Variants in CFAP52 observed in about 807,000 individuals in gnomAD.
The protein encoded by CFAP52 is cilia- and flagella-associated protein 52.
Under a neutral mutation model 70.5 loss-of-function variants are expected in CFAP52, and 57 were observed. The observed-to-expected ratio is 0.81, with a 90% CI of 0.65 to 1.01. The LOEUF is 1.01. Ranked by LOEUF, CFAP52 falls within the 50% of genes least tolerant of loss-of-function variation. CFAP52 has a pLI of 0.00. For synonymous variants in CFAP52, 267 were observed against 292.5 expected, an observed-to-expected ratio of 0.91 and a Z score of 0.89; for missense variants, 785 against 788.5, an observed-to-expected ratio of 1.00 and a Z score of 0.05.
At chr17:9,601,924 C>A (rs937483592) in intron 6 of CFAP52, among the ~76,000 whole-genome samples, 1 of 152,130 alleles carries the variant, frequency 6.6e-6, no homozygotes, top group African/African-American at 2.4e-5. Flanking sequence ...TCTCAAGAAA[C>A]TTTGAAATAC....
At chr17:9,614,609 C>A (rs1477587330) in intron 8 of CFAP52, among the ~76,000 whole-genome samples, 1 of 151,996 alleles carries the variant, frequency 6.6e-6, no homozygotes, top group Non-Finnish European at 1.5e-5. Flanking sequence ...GTTTATTAAA[C>A]AAATTCATTT....
chr17:9,616,270 C>G (rs1440661116), intron 8 of CFAP52, among the ~76,000 whole-genome samples: 1 of 144,044 alleles, frequency 6.9e-6, no homozygotes, highest in Non-Finnish European at 1.5e-5. Flanking sequence ...CACTCCCACC[C>G]GAATATTGCG....
intron 9 of CFAP52, among the ~76,000 whole-genome samples, chr17:9,630,902 C>T (rs371070702): frequency 6.0e-4 from 89 of 149,566 alleles, no homozygotes; most frequent in African/African-American, 2.0e-3. Flanking sequence ...AGGAGAGTTT[C>T]TTGAACCCGG....
intron 1 of CFAP52, chr17:9,584,348 G>T (rs1159317374): frequency 6.2e-6 from 8 of 1,289,906 alleles, no homozygotes; most frequent in East Asian, 5.6e-5. Context: ...ACCATGAAAG[G>T]TCCCAGGCTC....
chr17:9,600,169 GA>G lies in CFAP52; in HGVS notation c.740del (p.Asp247AlafsTer13). 1 of 1,613,860 alleles carries G rather than the reference GA, an allele frequency of 6.2e-7. No homozygotes were observed. Among genetic ancestry groups the G allele is most frequent in the African/African-American group, 1.3e-5 (1 of 74,998 alleles). On this transcript the variant is annotated frameshift_variant, in exon 6 of 14. Transcript: ENST00000352665. LOFTEE classifies it high-confidence loss of function. ...KLLTDVGPAK[D>X]KFSLGVSAIR... ...GCTGACAGATGTTGGGCCTGCGAAG[GA>G]CAAATTCAGTTTGGTGAGTAGAGAC...
At position 9,631,068 on chromosome 17, in the gene CFAP52, AAGAAAGAAAGAAAG is replaced by A. The variant is rs199797578; in HGVS notation, c.1175-1793_1175-1780del. On this transcript the variant is annotated intron_variant, in intron 9 of 13. Transcript: ENST00000352665. The stretch of plus-strand genomic sequence containing the variant: ...AGAGAGAGAGAGAAAGAAAGAAAGA[AAGAAAGAAAGAAAG>A]AGAAAGAAAGAAAGAGAAAGAAAGA... Among the ~76,000 whole-genome samples, 54 of 106,634 alleles carry A rather than the reference AAGAAAGAAAGAAAG, an allele frequency of 5.1e-4. No individual in the cohort carries two copies. In the East Asian group the frequency reaches 0.014, roughly 28 times the overall value. 70.0% of individuals were successfully genotyped at this position (106,634 alleles called of 152,430 possible).
chr17:9,585,423 C>CT (rs1410030111), intron 1 of CFAP52, among the ~76,000 whole-genome samples: 1 of 152,080 alleles, frequency 6.6e-6, no homozygotes, highest in Non-Finnish European at 1.5e-5. Flanking sequence ...AATCCCAGCA[C>CT]TTTGGGAGGC....
intron 1 of CFAP52, among the ~76,000 whole-genome samples, chr17:9,582,919 G>T (rs1352567250): frequency 6.6e-6 from 1 of 152,254 alleles, no homozygotes; most frequent in Non-Finnish European, 1.5e-5. Context: ...TTACAGGCAT[G>T]AGCCACCCAG....
At chr17:9,640,976 A>C (rs1911029980) in intron 12 of CFAP52, among the ~76,000 whole-genome samples, 1 of 152,174 alleles carries the variant, frequency 6.6e-6, no homozygotes, top group Non-Finnish European at 1.5e-5. Context: ...GCAGTCTATC[A>C]TTGATGGGCA....
At chr17:9,616,007 G>A (rs536381048) in intron 8 of CFAP52, among the ~76,000 whole-genome samples, 4 of 151,462 alleles carry the variant, frequency 2.6e-5, no homozygotes, top group South Asian at 2.1e-4. Context: ...CAAGATGGCC[G>A]AATAGGAACA....
At chr17:9,636,239 GA>G (rs752879145) in intron 11 of CFAP52, among the ~76,000 whole-genome samples, 28 of 138,504 alleles carry the variant, frequency 2.0e-4, no homozygotes, top group Non-Finnish European at 1.2e-4. Context: ...AAGAAAGAAA[GA>G]AAGAAAGAAA....
chr17:9,590,399 C>A, intron 3 of CFAP52: 1 of 203,954 alleles, frequency 4.9e-6, no homozygotes, highest in South Asian at 9.8e-5. Context: ...TTTCACTGGT[C>A]TCATTGGGGT....
At chr17:9,605,895 A>T (rs1909470871) in intron 6 of CFAP52, among the ~76,000 whole-genome samples, 1 of 152,052 alleles carries the variant, frequency 6.6e-6, no homozygotes. Context: ...AATGTACACA[A>T]TGGATTTTGG....
At chr17:9,638,734 G>T (rs762886610) in intron 12 of CFAP52, 23 bp downstream of exon 12, 4 of 1,609,886 alleles carry the variant, frequency 2.5e-6, no homozygotes, top group Non-Finnish European at 3.4e-6. Context: ...AGTGAGAGAT[G>T]AGATCTTTCC....
chr17:9,591,820 G>A (rs1402758081), intron 3 of CFAP52, among the ~76,000 whole-genome samples: 1 of 151,942 alleles, frequency 6.6e-6, no homozygotes, highest in Non-Finnish European at 1.5e-5. Context: ...TGAGGCTGCA[G>A]TGAGTGGTGA....
chr17:9,579,603 T>C (rs958226327), intron 1 of CFAP52, among the ~76,000 whole-genome samples: 1 of 152,218 alleles, frequency 6.6e-6, no homozygotes, highest in African/African-American at 2.4e-5. Flanking sequence ...AGTCTCACCC[T>C]GTCTCCCAGG....
chr17:9,624,113 C>A (rs942650323), intron 8 of CFAP52, among the ~76,000 whole-genome samples: 1 of 151,516 alleles, frequency 6.6e-6, no homozygotes, highest in Non-Finnish European at 1.5e-5. Context: ...AATATTTTTT[C>A]TTTGCTTTTG....
At chr17:9,640,836 G>T (rs1911020455) in intron 12 of CFAP52, among the ~76,000 whole-genome samples, 1 of 152,026 alleles carries the variant, frequency 6.6e-6, no homozygotes, top group Admixed American at 6.6e-5. Context: ...TACAGACAGG[G>T]TTTCACCATA....
chr17:9,584,682 T>A (rs1488953050), intron 1 of CFAP52, among the ~76,000 whole-genome samples: 1 of 152,126 alleles, frequency 6.6e-6, no homozygotes, highest in Admixed American at 6.5e-5. Flanking sequence ...AGTGCAATAG[T>A]GTGATCTCGG....
Sources: gnomAD v4.1 joint callset for allele counts (sites outside exome capture counted in the v4.1 genomes callset) on GRCh38, gnomAD v4.1.1 for gene constraint, MANE v1.5 for transcripts, NCBI Gene and HGNC (gene_info 2026-07-23, HGNC 2026-07-21) for gene names.